The following LINGO2 variants were observed in gnomAD, a reference collection of about 807,000 sequenced individuals.
The protein encoded by LINGO2 is leucine-rich repeat and immunoglobulin-like domain-containing nogo receptor-interacting protein 2.
LINGO2 carries 14 observed loss-of-function variants against 30.6 expected under a neutral mutation model. The ratio of observed to expected loss-of-function variants is 0.46; its 90% CI spans 0.30 to 0.72. The LOEUF (loss-of-function observed/expected upper bound fraction) is 0.72, where lower values mean the gene tolerates loss of function less well. LINGO2 is among the 30% of genes least tolerant of loss of function. The pLI, the probability that LINGO2 is intolerant of heterozygous loss-of-function variation, is 0.07. For synonymous variants in LINGO2, 317 were observed against 288.5 expected (o/e 1.10, Z -1.00); for missense variants, 729 against 751.7 (o/e 0.97, Z 0.35).
the LINGO2 span, among the ~76,000 whole-genome samples, chr9:29,190,512 C>T: frequency 1.8e-4 from 27 of 151,844 alleles, no homozygotes; most frequent in Non-Finnish European, 3.4e-4. Context: ...TTAGTTATTC[C>T]CAGTGTTTTT....
the LINGO2 span, among the ~76,000 whole-genome samples, chr9:29,116,387 G>A: frequency 2.6e-5 from 4 of 151,976 alleles, no homozygotes; most frequent in African/African-American, 9.7e-5. Context: ...TTATTTTAAA[G>A]ATAAAATCTT....
At chr9:28,331,768 A>G (rs1825428085) in intron 3 of LINGO2, among the ~76,000 whole-genome samples, 2 of 152,172 alleles carry the variant, frequency 1.3e-5, no homozygotes, top group African/African-American at 4.8e-5. Flanking sequence ...GGCCTCCCCA[A>G]AATGATAGGA....
intron 5 of LINGO2, among the ~76,000 whole-genome samples, chr9:28,010,667 G>A (rs982045961): frequency 6.6e-6 from 1 of 152,180 alleles, no homozygotes; most frequent in African/African-American, 2.4e-5. Context: ...AATCAATCAA[G>A]GCTGGACACA....
the LINGO2 span, among the ~76,000 whole-genome samples, chr9:28,782,360 T>C: frequency 1.3e-5 from 2 of 152,192 alleles, no homozygotes; most frequent in Admixed American, 6.5e-5. Flanking sequence ...CCTTCATTCA[T>C]TCACTGTGCA....
the LINGO2 span, among the ~76,000 whole-genome samples, chr9:28,905,917 T>C: frequency 3.3e-5 from 5 of 152,006 alleles, no homozygotes; most frequent in Non-Finnish European, 5.9e-5. Context: ...CAAGTGTCCA[T>C]TAAAGGATGA....
chr9:28,040,056 A>T (rs1180468786), intron 4 of LINGO2, among the ~76,000 whole-genome samples: 9 of 152,202 alleles, frequency 5.9e-5, no homozygotes. Flanking sequence ...TCATCCTGGG[A>T]GACTTTTTCA....
the LINGO2 span, among the ~76,000 whole-genome samples, chr9:29,182,691 T>G: frequency 6.8e-6 from 1 of 146,044 alleles, no homozygotes; most frequent in East Asian, 1.9e-4. Flanking sequence ...TCTGTAGGTT[T>G]TTTTTTTTTT....
At chr9:28,529,243 A>G (rs893970547) in intron 1 of LINGO2, among the ~76,000 whole-genome samples, 2 of 152,150 alleles carry the variant, frequency 1.3e-5, no homozygotes, top group African/African-American at 4.8e-5. Flanking sequence ...TTGATTGTGT[A>G]TTAACATTTA....
the LINGO2 span, among the ~76,000 whole-genome samples, chr9:29,074,407 T>C: frequency 6.6e-6 from 1 of 152,184 alleles, no homozygotes; most frequent in Non-Finnish European, 1.5e-5. Flanking sequence ...AAAATTACTT[T>C]AGTGACACTA....
the LINGO2 span, among the ~76,000 whole-genome samples, chr9:28,791,659 AG>A: frequency 6.6e-6 from 1 of 151,988 alleles, no homozygotes; most frequent in Non-Finnish European, 1.5e-5. Context: ...GAAATAAAAA[AG>A]TACTCTACTT....
At chr9:28,598,418 C>CAAAA (rs766825127) in intron 1 of LINGO2, among the ~76,000 whole-genome samples, 231 of 109,028 alleles carry the variant, frequency 2.1e-3, no homozygotes, top group Non-Finnish European at 3.1e-3. Flanking sequence ...TTCTCCATAT[C>CAAAA]AAAAAAAAAA....
chr9:28,194,619 T>C (rs1819945000), intron 4 of LINGO2, among the ~76,000 whole-genome samples: 1 of 139,094 alleles, frequency 7.2e-6, no homozygotes, highest in East Asian at 2.1e-4. Flanking sequence ...GCTTTCAAAA[T>C]GCATAAAAAA....
At chr9:28,003,349 A>AACAAAAACT (rs2119164133) in intron 5 of LINGO2, among the ~76,000 whole-genome samples, 1 of 115,426 alleles carries the variant, frequency 8.7e-6, no homozygotes, top group South Asian at 2.8e-4. Flanking sequence ...ATATATAGAT[A>AACAAAAACT]GATAGATAGA....
intron 2 of LINGO2, among the ~76,000 whole-genome samples, chr9:28,474,170 G>C (rs1825636673): frequency 6.6e-6 from 1 of 152,090 alleles, no homozygotes; most frequent in Non-Finnish European, 1.5e-5. Flanking sequence ...ATTTTACTTT[G>C]CACCAAAAGT....
intron 1 of LINGO2, among the ~76,000 whole-genome samples, chr9:28,553,288 C>T (rs1206341584): frequency 1.3e-5 from 2 of 151,906 alleles, no homozygotes; most frequent in South Asian, 2.1e-4. Context: ...ATAACCAATA[C>T]AGAGAAGTGC....
the LINGO2 span, among the ~76,000 whole-genome samples, chr9:28,748,741 C>A: frequency 2.6e-5 from 4 of 152,032 alleles, no homozygotes; most frequent in Middle Eastern, 3.4e-3. Flanking sequence ...CTCATTAGAA[C>A]AACATATGTC....
the LINGO2 span, among the ~76,000 whole-genome samples, chr9:28,910,785 C>T: frequency 6.6e-6 from 1 of 151,880 alleles, no homozygotes; most frequent in African/African-American, 2.4e-5. Flanking sequence ...TACCCAGTCT[C>T]AGGTAGTTAT....
At chr9:28,720,781 C>T in the LINGO2 span, among the ~76,000 whole-genome samples, 8 of 151,964 alleles carry the variant, frequency 5.3e-5, no homozygotes, top group Non-Finnish European at 7.4e-5. Context: ...TTCAATATAA[C>T]GCAGTGTACC....
chr9:28,981,948 C>A, the LINGO2 span, among the ~76,000 whole-genome samples: 2 of 152,056 alleles, frequency 1.3e-5, no homozygotes, highest in Non-Finnish European at 2.9e-5. Flanking sequence ...CTCAAGATCA[C>A]ACTTTGATTC....
Sources: gnomAD v4.1 joint callset for allele counts (sites outside exome capture counted in the v4.1 genomes callset) on GRCh38, gnomAD v4.1.1 for gene constraint, MANE v1.5 for transcripts, NCBI Gene and HGNC (gene_info 2026-07-23, HGNC 2026-07-21) for gene names.